Variants in MAP3K13 observed in about 807,000 individuals in gnomAD.
MAP3K13 encodes the protein leucine zipper-bearing kinase.
MAP3K13 carries 52 observed loss-of-function variants against 104.0 expected under a neutral mutation model. The observed-to-expected ratio is 0.50, with a 90% confidence interval of 0.40 to 0.63. The LOEUF (loss-of-function observed/expected upper bound fraction) is 0.63, where lower values mean the gene tolerates loss of function less well. MAP3K13 is among the 20% of genes least tolerant of loss of function. The pLI is 0.00. For synonymous variants in MAP3K13, 394 were observed against 442.2 expected, an observed-to-expected ratio of 0.89 and a Z score of 1.37; for missense variants, 914 against 1,218.5, an observed-to-expected ratio of 0.75 and a Z score of 3.72.
At chr3:185,456,028 A>G (rs768512323) in intron 7 of MAP3K13, among the ~76,000 whole-genome samples, 3 of 148,970 alleles carry the variant, frequency 2.0e-5, no homozygotes, top group Non-Finnish European at 4.5e-5. Context: ...TATGAGATAT[A>G]TGTTTTTCTA....
chr3:185,285,639 G>A (rs1248803659), exon 2 of MAP3K13: 2 of 1,534,778 alleles, frequency 1.3e-6, no homozygotes, highest in Non-Finnish European at 1.7e-6. Flanking sequence ...AGCACTCTGG[G>A]AGAGGTAAGT....
At chr3:185,419,227 C>G (rs1184783111) in intron 1 of MAP3K13, among the ~76,000 whole-genome samples, 2 of 152,124 alleles carry the variant, frequency 1.3e-5, no homozygotes, top group African/African-American at 2.4e-5. Context: ...GTCTCGAACT[C>G]CTGACCTCAG....
chr3:185,360,336 T>C (rs550474294), upstream of MAP3K13, among the ~76,000 whole-genome samples: 10 of 152,348 alleles, frequency 6.6e-5, no homozygotes, highest in South Asian at 1.9e-3. Flanking sequence ...ACTAGCCATC[T>C]TTCAAATCTA....
intron 2 of MAP3K13, among the ~76,000 whole-genome samples, chr3:185,436,108 T>TA (rs1029213442): frequency 1.3e-5 from 2 of 152,194 alleles, no homozygotes; most frequent in Non-Finnish European, 2.9e-5. Flanking sequence ...CATTCTTTTT[T>TA]AAAAAAGTTT....
In MAP3K13 at chr3:185,410,158, C is replaced by T. The variant is rs375539960; in HGVS notation, c.-85-18339C>T. Among the ~76,000 whole-genome samples, 3 of 152,278 alleles carry T rather than the reference C, an allele frequency of 2.0e-5. No individual in the cohort carries two copies. The East Asian group carries it at 5.8e-4, about 29-fold the overall frequency. On this transcript the variant is annotated intron_variant, in intron 1 of 13. Coordinates refer to ENST00000265026, the MANE Select transcript of MAP3K13 (RefSeq NM_004721.5). ...TCACCTCCTGCTGTGCAGCCTGGTT[C>T]TTAACAAGCCACAAACCAGTACCAG...
At chr3:185,323,332 C>A (rs942807164) in intron 2 of MAP3K13, among the ~76,000 whole-genome samples, 11 of 149,268 alleles carry the variant, frequency 7.4e-5, no homozygotes, top group Non-Finnish European at 1.5e-4. Context: ...ATTTGGCATA[C>A]CTTTTTTTTT....
chr3:185,291,539 G>A, intron 2 of MAP3K13: 3 of 1,311,472 alleles, frequency 2.3e-6, no homozygotes, highest in Non-Finnish European at 2.0e-6. Flanking sequence ...TGACCCAAAA[G>A]TAGTTTTTAA....
rs750701664 is a variant in MAP3K13, at chr3:185,466,866, A to G, written c.1546A>G (p.Lys516Glu). 14 of 1,613,996 alleles carry G rather than the reference A, an allele frequency of 8.7e-6. No homozygotes were observed. The East Asian group carries it at 2.5e-4, about 28-fold the overall frequency. Reference protein sequence around the residue: ...AVEKKYPGTYKRHPVRPIIHP... With the variant: ...AVEKKYPGTYERHPVRPIIHP... Reference sequence around the variant, plus strand: ...GGAAAAGAAGTATCCTGGGACCTACAAACGACACCCTGTTCGTCCTATCAT... The same window carrying G: ...GGAAAAGAAGTATCCTGGGACCTACGAACGACACCCTGTTCGTCCTATCAT... Residue 516 changes from lysine (K) to glutamate (E), a missense_variant, in exon 10 of 14, where the codon AAA becomes GAA. Transcript: ENST00000265026.
intron 1 of MAP3K13, among the ~76,000 whole-genome samples, chr3:185,366,218 G>A (rs1342968021): frequency 6.6e-6 from 1 of 151,716 alleles, no homozygotes; most frequent in East Asian, 1.9e-4. Context: ...TTTGTAACTA[G>A]CTTATTTCAC....
intron 2 of MAP3K13, among the ~76,000 whole-genome samples, chr3:185,343,624 G>T (rs1577444979): frequency 6.6e-6 from 1 of 151,974 alleles, no homozygotes; most frequent in Admixed American, 6.5e-5. Context: ...AGCTAGTTTT[G>T]GTATTTTTAG....
intron 5 of MAP3K13, 29 bp from the exon 6 acceptor site, chr3:185,449,871 T>C: frequency 6.4e-7 from 1 of 1,560,948 alleles, no homozygotes; most frequent in Non-Finnish European, 8.7e-7. Flanking sequence ...CTGAAACATC[T>C]TCTGTCCATG....
chr3:185,345,184 C>A (rs1577446686), intron 2 of MAP3K13, among the ~76,000 whole-genome samples: 1 of 152,080 alleles, frequency 6.6e-6, no homozygotes, highest in Non-Finnish European at 1.5e-5. Flanking sequence ...ATCTCATCAT[C>A]TTTTATTGCC....
intron 7 of MAP3K13, among the ~76,000 whole-genome samples, chr3:185,454,226 T>TGATACATATATATGAGATATATATGA: frequency 3.0e-5 from 1 of 33,188 alleles, no homozygotes; most frequent in South Asian, 1.1e-3. Flanking sequence ...GATATATATA[T>TGATACATATATATGAGATATATATGA]GATACATATA....
chr3:185,421,370 T>G (rs1310041646), intron 1 of MAP3K13, among the ~76,000 whole-genome samples: 1 of 151,954 alleles, frequency 6.6e-6, no homozygotes, highest in Non-Finnish European at 1.5e-5. Context: ...GCTAATTTTT[T>G]GTAGTTTAGT....
rs1349479012 is a variant in MAP3K13, at chr3:185,454,650, GAT to G, written c.1278+3264_1278+3265del. The stretch of plus-strand genomic sequence containing the variant: ...AGATATATATATGAGATATATATAT[GAT>G]ATATATATGATATATATGAGATATT... On this transcript the variant is annotated intron_variant, in intron 7 of 13. Transcript: ENST00000265026. Among the ~76,000 whole-genome samples, 35 of 96,708 alleles carry G rather than the reference GAT, an allele frequency of 3.6e-4. 2 individuals carry two copies. The highest frequency in any genetic ancestry group is 1.1e-3 in the African/African-American group (26 of 24,146). The allele number at this position is 96,708 out of a possible 152,430, so 63.4% of individuals were successfully genotyped here.
At chr3:185,381,214 G>A (rs149980761) in intron 1 of MAP3K13, among the ~76,000 whole-genome samples, 152 of 152,078 alleles carry the variant, frequency 1.0e-3, no homozygotes, top group Middle Eastern at 3.4e-3. Flanking sequence ...CACCCACCTC[G>A]GCCTCCCAAA....
At chr3:185,396,713 G>C (rs143017964) in intron 1 of MAP3K13, among the ~76,000 whole-genome samples, 1 of 152,170 alleles carries the variant, frequency 6.6e-6, no homozygotes, top group Non-Finnish European at 1.5e-5. Context: ...CTGCTGTAGG[G>C]AGCATCTAGT....
In MAP3K13 at chr3:185,391,885, C is replaced by T. The variant is rs571395557; in HGVS notation, c.-86+28517C>T. Among the ~76,000 whole-genome samples the T allele has an allele frequency of 4.6e-5, 7 of 152,102 alleles. No individual in the cohort carries two copies. In the South Asian group the frequency reaches 8.3e-4, roughly 18 times the overall value. On this transcript the variant is annotated intron_variant, in intron 1 of 13. Transcript: ENST00000265026. ...ATAAAAACCTAAATAAACTGAAGTA[C>T]ATTCTATTTAAGTATAACCTGTGTT...
At chr3:185,432,185 CTTTTTT>C (rs11407161) in intron 2 of MAP3K13, among the ~76,000 whole-genome samples, 5 of 90,112 alleles carry the variant, frequency 5.5e-5, no homozygotes, top group African/African-American at 1.7e-4. Flanking sequence ...TTTCTAATTG[CTTTTTT>C]TTTTTTTTTT....
Sources: allele counts gnomAD v4.1 joint callset (sites outside exome capture counted in the v4.1 genomes callset), GRCh38; gene constraint gnomAD v4.1.1; transcripts MANE v1.5; gene names NCBI Gene and HGNC (gene_info 2026-07-23, HGNC 2026-07-21).